The following LHCGR variants were observed in gnomAD, a reference collection of about 807,000 sequenced individuals.
The protein encoded by LHCGR is luteinizing hormone/choriogonadotropin receptor, also known as lutropin-choriogonadotropic hormone receptor.
In LHCGR, 55 loss-of-function variants were observed where a neutral mutation model predicts 60.7. The observed-to-expected ratio is 0.91, with a 90% CI of 0.73 to 1.13. LHCGR has a LOEUF of 1.13. Ranked by LOEUF, LHCGR falls within the 50% of genes most tolerant of loss-of-function variation. The pLI is 0.00. For synonymous variants in LHCGR, 337 were observed against 316.5 expected (o/e 1.06, Z -0.69); for missense variants, 862 against 836.0 (o/e 1.03, Z -0.38).
At chr2:48,749,789 T>C (rs984892625) in intron 1 of LHCGR, among the ~76,000 whole-genome samples, 1 of 151,868 alleles carries the variant, frequency 6.6e-6, no homozygotes, top group Non-Finnish European at 1.5e-5. Flanking sequence ...CTGGGTCCAA[T>C]GCCAAAGAGA....
chr2:48,713,992 G>T lies in LHCGR; in HGVS notation c.599C>A (p.Thr200Asn). 1 of 1,604,514 alleles carries T rather than the reference G, an allele frequency of 6.2e-7. No homozygotes were observed. The highest frequency in any genetic ancestry group is 8.5e-7 in the Non-Finnish European group (1 of 1,171,276). ...QSHAFNGTTL[T>N]SLELKENVHL... ...GAAATAAGCAAATACTTACAGTGAAGTCAGTGTCGTCCCATTGAATGCATG... is the reference window on the plus strand; with the variant it reads ...GAAATAAGCAAATACTTACAGTGAATTCAGTGTCGTCCCATTGAATGCATG... Residue 200 changes from threonine (T) to asparagine (N), a missense_variant, in exon 7 of 11, where the codon ACT (threonine) becomes AAT (asparagine). Transcript: ENST00000294954.
rs967924637 is a variant in LHCGR, at chr2:48,755,580, G to C, written c.92C>G (p.Pro31Arg). 3 of 1,539,722 alleles carry C rather than the reference G, an allele frequency of 1.9e-6. No individual in the cohort carries two copies. Among genetic ancestry groups the C allele is most frequent in the Non-Finnish European group, 2.6e-6 (3 of 1,145,714 alleles). ...GTCGGGCACGCAGTTGCAGGGCTCAGGGCAGAGCGCCTCGCGCAGCGCTCG... is the reference window on the plus strand; with the variant it reads ...GTCGGGCACGCAGTTGCAGGGCTCACGGCAGAGCGCCTCGCGCAGCGCTCG... ...LPRALREALC[P>R]EPCNCVPDGA... Residue 31 changes from proline (P) to arginine (R), a missense_variant, in exon 1 of 11, where the codon CCT becomes CGT. Physicochemically the swap from Pro to Arg is moderately radical, Grantham distance 103. Transcript: ENST00000294954.
chr2:48,719,731 A>C (rs1294429405), intron 6 of LHCGR, among the ~76,000 whole-genome samples: 2 of 152,218 alleles, frequency 1.3e-5, no homozygotes, highest in East Asian at 1.9e-4. Context: ...ATGAGCTCAC[A>C]GTTGGTAAAG....
At chr2:48,752,783 C>T (rs1310550028) in intron 1 of LHCGR, among the ~76,000 whole-genome samples, 1 of 151,968 alleles carries the variant, frequency 6.6e-6, no homozygotes, top group Non-Finnish European at 1.5e-5. Context: ...TCTCCTCCTA[C>T]CCCCATTGAG....
intron 8 of LHCGR, 124 bp from the exon 9 acceptor site, chr2:48,698,924 C>CT: frequency 1.4e-6 from 1 of 727,048 alleles, no homozygotes; most frequent in South Asian, 1.7e-5. Context: ...TCACTGCAAG[C>CT]TCCGCCTCCT....
chr2:48,704,106 G>T (rs1667543642), intron 8 of LHCGR, among the ~76,000 whole-genome samples: 1 of 152,146 alleles, frequency 6.6e-6, no homozygotes, highest in African/African-American at 2.4e-5. Flanking sequence ...AAGCACTGTT[G>T]AATTTTGTCG....
chr2:48,717,833 C>CTT (rs10711529), intron 6 of LHCGR, among the ~76,000 whole-genome samples: 438 of 68,920 alleles, frequency 6.4e-3, no homozygotes, highest in Non-Finnish European at 8.6e-3. Context: ...TTTTCCATGT[C>CTT]TTTTTTTTTT....
intron 2 of LHCGR, among the ~76,000 whole-genome samples, chr2:48,730,329 G>C (rs1668934451): frequency 6.6e-6 from 1 of 152,164 alleles, no homozygotes; most frequent in Admixed American, 6.6e-5. Context: ...TCCAACTTGA[G>C]AGCAGAAGAG....
In LHCGR at chr2:48,735,006, C is replaced by T. The variant is rs149379712; in HGVS notation, c.162-3708G>A. Among the ~76,000 whole-genome samples, 411 of 152,326 alleles carry T rather than the reference C, an allele frequency of 2.7e-3. 2 individuals carry two copies. The highest frequency in any genetic ancestry group is 9.2e-3 in the African/African-American group (384 of 41,568). On this transcript the variant is annotated intron_variant, in intron 1 of 10. Transcript: ENST00000294954. ...CAGCTACTTAAATTTATTATATTTTCACAGTCTTTTTTGCAGTTTTGAACT... is the reference window on the plus strand; with the variant it reads ...CAGCTACTTAAATTTATTATATTTTTACAGTCTTTTTTGCAGTTTTGAACT...
chr2:48,737,367 T>C (rs1669245789), intron 1 of LHCGR, among the ~76,000 whole-genome samples: 1 of 152,194 alleles, frequency 6.6e-6, no homozygotes, highest in Admixed American at 6.5e-5. Context: ...CTAATGAACT[T>C]GTTGAAATGG....
chr2:48,731,882 G>A (rs1356627454), intron 1 of LHCGR, among the ~76,000 whole-genome samples: 2 of 152,180 alleles, frequency 1.3e-5, no homozygotes, highest in African/African-American at 2.4e-5. Context: ...GATCTCTACT[G>A]TCTTTCCCAG....
intron 3 of LHCGR, among the ~76,000 whole-genome samples, chr2:48,726,601 G>C (rs36072157): frequency 0.28 from 43,226 of 152,120 alleles, 6,697 homozygotes; most frequent in Non-Finnish European, 0.34. Flanking sequence ...ATGCCTTTGG[G>C]TTTCTTAATC....
chr2:48,724,079 C>T (rs989880712), intron 4 of LHCGR, among the ~76,000 whole-genome samples: 16 of 152,284 alleles, frequency 1.1e-4, no homozygotes, highest in Middle Eastern at 3.4e-3. Context: ...GAGAAAGCAT[C>T]CTTAAATTTT....
chr2:48,701,575 AC>A (rs1472404540), intron 8 of LHCGR, among the ~76,000 whole-genome samples: 1 of 152,040 alleles, frequency 6.6e-6, no homozygotes, highest in East Asian at 1.9e-4. Flanking sequence ...GTCTTCCCTC[AC>A]CATCCCCTTT....
chr2:48,749,233 T>C (rs1669845660), intron 1 of LHCGR, among the ~76,000 whole-genome samples: 1 of 152,096 alleles, frequency 6.6e-6, no homozygotes. Context: ...CATCTTCCAG[T>C]GAGGCAGAAG....
chr2:48,726,942 G>C (rs1438557960), intron 3 of LHCGR, among the ~76,000 whole-genome samples: 2 of 152,140 alleles, frequency 1.3e-5, no homozygotes, highest in Admixed American at 6.5e-5. Flanking sequence ...CAGTTTTTCT[G>C]ACCCTCAGTT....
intron 10 of LHCGR, among the ~76,000 whole-genome samples, chr2:48,693,288 C>T (rs1451548001): frequency 6.6e-6 from 1 of 152,184 alleles, no homozygotes; most frequent in Non-Finnish European, 1.5e-5. Context: ...CCTTCATTCT[C>T]ATGGTTCTGA....
At chr2:48,693,256 T>C (rs1666949210) in intron 10 of LHCGR, among the ~76,000 whole-genome samples, 1 of 151,586 alleles carries the variant, frequency 6.6e-6, no homozygotes, top group Non-Finnish European at 1.5e-5. Context: ...ACCCTTGGTG[T>C]TGTCGCATTG....
chr2:48,751,611 T>C (rs529850090), intron 1 of LHCGR, among the ~76,000 whole-genome samples: 1 of 152,334 alleles, frequency 6.6e-6, no homozygotes, highest in African/African-American at 2.4e-5. Flanking sequence ...TCAAAGACAC[T>C]ACGGCACTGA....
Sources: gnomAD v4.1 joint callset for allele counts (sites outside exome capture counted in the v4.1 genomes callset) on GRCh38, gnomAD v4.1.1 for gene constraint, MANE v1.5 for transcripts, NCBI Gene and HGNC (gene_info 2026-07-23, HGNC 2026-07-21) for gene names.